Variants in MCIDAS observed in about 807,000 individuals in gnomAD.
The protein encoded by MCIDAS is multiciliate differentiation and DNA synthesis associated cell cycle protein, also known as multicilin.
Under a neutral mutation model 35.4 loss-of-function variants are expected in MCIDAS, and 23 were observed. The observed-to-expected ratio is 0.65, with a 90% CI of 0.47 to 0.92. The LOEUF (loss-of-function observed/expected upper bound fraction) is 0.92. Among genes scored for constraint, MCIDAS ranks in the 40% least tolerant of loss-of-function variants. The probability of loss-of-function intolerance (pLI) is 0.00; values close to 1 mark genes in which losing one functional copy is unlikely to be tolerated. For missense variants in MCIDAS, 480 were observed against 531.8 expected (o/e 0.90, Z 0.96); for synonymous variants, 228 against 235.2 (o/e 0.97, Z 0.28).
chr5:55,222,958 G>T lies in MCIDAS; in HGVS notation c.375C>A (p.Leu125=). ...LQDFRDTVDD[L]ISDSSSMMSP... The stretch of plus-strand genomic sequence containing the variant: ...CCAGGAGACTGCACTTGCCTGAAAT[G>T]AGATCATCCACCGTGTCTCTGAAAT... The change falls in exon 4 of 7, where the codon CTC becomes CTA. Residue 125 remains leucine (L), a synonymous_variant. Coordinates refer to ENST00000513312, the MANE Select transcript of MCIDAS (RefSeq NM_001190787.3). The T allele has an allele frequency of 6.5e-7, 1 of 1,535,730 alleles. No individual in the cohort carries two copies. Among genetic ancestry groups the T allele is most frequent in the Admixed American group, 2.0e-5 (1 of 50,988 alleles).
chr5:55,220,031 A>G lies in MCIDAS; in HGVS notation c.*335T>C. The G allele has an allele frequency of 4.9e-6, 1 of 202,634 alleles. No homozygotes were observed. Among genetic ancestry groups the G allele is most frequent in the Non-Finnish European group, 1.0e-5 (1 of 99,736 alleles). 12.6% of individuals were successfully genotyped at this position (202,634 alleles called of 1,614,324 possible). A position where few individuals can be genotyped will look rare whatever the true frequency, so the allele number is the denominator to read the frequency against. ...CTCTTAGAGCCTTCTTTTCCTTCTT[A>G]TAATATTAGAGCATTACATAATTAT... On this transcript the variant is annotated 3_prime_UTR_variant, in exon 7 of 7. Coordinates refer to ENST00000513312, the MANE Select transcript of MCIDAS (RefSeq NM_001190787.3).
At position 55,227,084 on chromosome 5, in the gene MCIDAS, G is replaced by A; in HGVS notation, c.55C>T (p.Pro19Ser). The A allele has an allele frequency of 3.3e-6, 5 of 1,512,862 alleles. No individual in the cohort carries two copies. Among genetic ancestry groups the A allele is most frequent in the Non-Finnish European group, 4.4e-6 (5 of 1,137,660 alleles). The allele number at this position is 1,512,862 out of a possible 1,614,324, so 93.7% of individuals were successfully genotyped here. ...AGRRAFDSIC[P>S]NRMLALPGRA... ...CCCGGCAGTGCCAGCATTCTGTTGG[G>A]GCAGATGCTGTCGAAGGCCCGACGG... Residue 19 changes from proline (P) to serine (S), a missense_variant, in exon 1 of 7, where the codon CCC becomes TCC. Physicochemically the swap from Pro to Ser is moderately conservative, Grantham distance 74 (BLOSUM62 -1). Coordinates refer to ENST00000513312, the MANE Select transcript of MCIDAS (RefSeq NM_001190787.3).
At chr5:55,224,307 T>C (rs1463477419) in intron 3 of MCIDAS, among the ~76,000 whole-genome samples, 1 of 152,116 alleles carries the variant, frequency 6.6e-6, no homozygotes, top group African/African-American at 2.4e-5. Context: ...CACTGTTGAT[T>C]CATTCCTTTG....
At position 55,227,201 on chromosome 5, in the gene MCIDAS, C is replaced by G; in HGVS notation, c.-63G>C. The stretch of plus-strand genomic sequence containing the variant: ...GGCGGCCCGGGCTGGGGCAGCGATC[C>G]ACACCCTGCACTCCCTTCAGTGCCT... On this transcript the variant is annotated 5_prime_UTR_variant, in exon 1 of 7. Coordinates refer to ENST00000513312, the MANE Select transcript of MCIDAS (RefSeq NM_001190787.3). 3 of 1,389,056 alleles carry G rather than the reference C, an allele frequency of 2.2e-6. No individual in the cohort carries two copies. Among genetic ancestry groups the G allele is most frequent in the Non-Finnish European group, 2.8e-6 (3 of 1,080,180 alleles). 86.0% of individuals were successfully genotyped at this position (1,389,056 alleles called of 1,614,324 possible).
chr5:55,226,805 G>A (rs1745464028), intron 2 of MCIDAS, 30 bp downstream of exon 2: 5 of 1,387,334 alleles, frequency 3.6e-6, no homozygotes, highest in Non-Finnish European at 3.7e-6. Flanking sequence ...CGGGGAACCC[G>A]AGGGGTAGCG....
Position 55,227,281 on chromosome 5 carries a change from G to A in MCIDAS, c.-143C>T, listed in dbSNP as rs1033220421. The stretch of plus-strand genomic sequence containing the variant: ...GCAGGCGCGTGACCGAGAAGGAGCC[G>A]AGGGGCTGCCGAGGAGGTGCTGAGA... On this transcript the variant is annotated 5_prime_UTR_variant, in exon 1 of 7. Transcript: ENST00000513312. 8 of 1,154,914 alleles carry A rather than the reference G, an allele frequency of 6.9e-6. No homozygotes were observed. The highest frequency in any genetic ancestry group is 6.4e-5 in the South Asian group (3 of 47,008). 71.5% of individuals were successfully genotyped at this position (1,154,914 alleles called of 1,614,324 possible). A position where few individuals can be genotyped will look rare whatever the true frequency, so the allele number is the denominator to read the frequency against.
Position 55,223,152 on chromosome 5 carries a change from T to C in MCIDAS, c.310-129A>G, listed in dbSNP as rs952024315. ...TATGCACGTAACACAACTGCACTTG[T>C]ACCCCTAAGTCCCCCCAAATAAAAC... On this transcript the variant is annotated intron_variant, in intron 3 of 6. Coordinates refer to ENST00000513312, the MANE Select transcript of MCIDAS (RefSeq NM_001190787.3). This position sits in a 1 kb window ranked among gnomAD's most constrained non-coding sequence, Gnocchi z 4.4. The C allele has an allele frequency of 1.4e-5, 10 of 719,138 alleles. No individual in the cohort carries two copies. In the Admixed American group the frequency reaches 2.4e-4, roughly 17 times the overall value. The allele number at this position is 719,138 out of a possible 1,614,324, so 44.5% of individuals were successfully genotyped here. A position where few individuals can be genotyped will look rare whatever the true frequency, so the allele number is the denominator to read the frequency against.
Position 55,226,702 on chromosome 5 carries a change from G to A in MCIDAS, c.218-35C>T, listed in dbSNP as rs1186186226. The A allele has an allele frequency of 6.2e-6, 9 of 1,454,188 alleles. No homozygotes were observed. The East Asian group carries it at 1.9e-4, about 30-fold the overall frequency. 90.1% of individuals were successfully genotyped at this position (1,454,188 alleles called of 1,614,324 possible). On this transcript the variant is annotated intron_variant, in intron 2 of 6. Transcript: ENST00000513312. ...GAGACCGGGAGACACGCGCCGGGCG[G>A]GCCCTGAGCCTCTCCGCCAGGCTCG... is the stretch of plus-strand genomic sequence containing the variant.
At chr5:55,224,856 T>C (rs1263261330) in intron 3 of MCIDAS, among the ~76,000 whole-genome samples, 1 of 152,196 alleles carries the variant, frequency 6.6e-6, no homozygotes, top group African/African-American at 2.4e-5. Context: ...GCTCTGTCTT[T>C]CCCAGGAAAA....
At position 55,222,408 on chromosome 5, in the gene MCIDAS, G is replaced by C; in HGVS notation, c.383-9C>G. ...CATCATAGAGGATGAGTCTGGAGAA[G>C]AGCAGGAGCTGGATTTGCAGCCTCA... is the stretch of plus-strand genomic sequence containing the variant. On this transcript the variant is annotated splice_polypyrimidine_tract_variant and intron_variant, in intron 4 of 6. Transcript: ENST00000513312. 1 of 1,466,082 alleles carries C rather than the reference G, an allele frequency of 6.8e-7. No homozygotes were observed. Among genetic ancestry groups the C allele is most frequent in the South Asian group, 1.4e-5 (1 of 73,010 alleles). The allele number at this position is 1,466,082 out of a possible 1,614,324, so 90.8% of individuals were successfully genotyped here. A position where few individuals can be genotyped will look rare whatever the true frequency, so the allele number is the denominator to read the frequency against.
rs1745456159 is a variant in MCIDAS at position 55,226,517 on chromosome 5, AC to A, written c.309+58del. ...GAGCTTTTGGGGAATTAAAACCACCACCCCGGAGGAGGGTTTGGGTTGCGTG... is the reference window on the plus strand; with the variant it reads ...GAGCTTTTGGGGAATTAAAACCACCACCCGGAGGAGGGTTTGGGTTGCGTG... On this transcript the variant is annotated intron_variant, in intron 3 of 6. Transcript: ENST00000513312. 6.8e-6 allele frequency: 10 copies of A among 1,476,122 alleles called. No homozygotes were observed. The Middle Eastern group carries it at 7.0e-4, about 103-fold the overall frequency. The allele number at this position is 1,476,122 out of a possible 1,614,324, so 91.4% of individuals were successfully genotyped here.
At chr5:55,224,915 C>T (rs995082530) in intron 3 of MCIDAS, among the ~76,000 whole-genome samples, 2 of 152,142 alleles carry the variant, frequency 1.3e-5, no homozygotes, top group Non-Finnish European at 2.9e-5. Flanking sequence ...CTTGAAACTT[C>T]GAGGCTGGGC....
intron 5 of MCIDAS, 99 bp downstream of exon 5, chr5:55,222,077 G>T: frequency 8.7e-7 from 1 of 1,153,736 alleles, no homozygotes; most frequent in Non-Finnish European, 1.2e-6. Context: ...CACTGGTTCC[G>T]ACTCACAGGA....
In MCIDAS at chr5:55,222,353, G is replaced by A. The variant is rs1745376882; in HGVS notation, c.429C>T (p.Pro143=). Residue 143 remains proline, a synonymous_variant, in exon 5 of 7, where the codon CCC becomes CCT. Coordinates refer to ENST00000513312, the MANE Select transcript of MCIDAS (RefSeq NM_001190787.3). ...MSPTLASGDF[P]FSPCDISPFG... ...ATGGTGATATGTCGCAAGGAGAGAA[G>A]GGGAAGTCTCCGCTGGCCAGGGTAG... is the stretch of plus-strand genomic sequence containing the variant. 2.0e-6 allele frequency: 3 copies of A among 1,531,738 alleles called. No homozygotes were observed. The highest frequency in any genetic ancestry group is 2.6e-6 in the Non-Finnish European group (3 of 1,143,876). The allele number at this position is 1,531,738 out of a possible 1,614,324, so 94.9% of individuals were successfully genotyped here.
chr5:55,221,842 T>G (rs1745361863), intron 5 of MCIDAS, among the ~76,000 whole-genome samples: 1 of 152,054 alleles, frequency 6.6e-6, no homozygotes, highest in South Asian at 2.1e-4. Context: ...CGAGAATGGC[T>G]TGAGCCTGGG....
rs1745335020 is a variant in MCIDAS, at chr5:55,220,577, G to A, written c.947C>T (p.Pro316Leu). 6.5e-7 allele frequency: 1 copy of A among 1,536,082 alleles called. No individual in the cohort carries two copies. Among genetic ancestry groups the A allele is most frequent in the Non-Finnish European group, 8.7e-7 (1 of 1,146,872 alleles). ...LPEPANTDTR[P>L]GNLHGAFRGL... ...CCGGAAGGCGCCATGCAGGTTCCCG[G>A]GCCTGGTGTCAGTATTCGCGGGCTC... is the stretch of plus-strand genomic sequence containing the variant. Residue 316 changes from proline (P) to leucine (L), a missense_variant, in exon 7 of 7, where the codon CCC becomes CTC. Physicochemically the swap from Pro to Leu is moderately conservative, Grantham distance 98 (BLOSUM62 -3). Coordinates refer to ENST00000513312, the MANE Select transcript of MCIDAS (RefSeq NM_001190787.3).
Position 55,222,310 on chromosome 5 carries a change from G to A in MCIDAS, c.472C>T (p.Pro158Ser), listed in dbSNP as rs1745375440. 6.5e-7 allele frequency: 1 copy of A among 1,535,684 alleles called. No homozygotes were observed. The highest frequency in any genetic ancestry group is 2.4e-5 in the East Asian group (1 of 40,894). Residue 158 changes from proline (P) to serine (S), a missense_variant, in exon 5 of 7, where the codon CCG (proline) becomes TCG (serine). Physicochemically the swap from Pro to Ser is moderately conservative, Grantham distance 74. Transcript: ENST00000513312. ...DISPFGPCLS[P>S]PLDPRALQSP... ...TGCAGGGCCCGTGGGTCCAGTGGCG[G>A]GGAGAGGCAGGGCCCGAATGGTGAT... is the stretch of plus-strand genomic sequence containing the variant.
At position 55,220,583 on chromosome 5, in the gene MCIDAS, G is replaced by T. The variant is rs994276692; in HGVS notation, c.941C>A (p.Thr314Asn). The T allele has an allele frequency of 1.3e-6, 2 of 1,536,112 alleles. No individual in the cohort carries two copies. Among genetic ancestry groups the T allele is most frequent in the Non-Finnish European group, 1.7e-6 (2 of 1,146,882 alleles). ...GGCGCCATGCAGGTTCCCGGGCCTG[G>T]TGTCAGTATTCGCGGGCTCTGGCAG... ...RLLPEPANTD[T>N]RPGNLHGAFR... Residue 314 changes from threonine (T) to asparagine (N), a missense_variant, in exon 7 of 7, where the codon ACC (threonine) becomes AAC (asparagine). Transcript: ENST00000513312.
rs1296245202 is a variant in MCIDAS, at chr5:55,223,249, G to T, written c.310-226C>A. On this transcript the variant is annotated intron_variant, in intron 3 of 6. Transcript: ENST00000513312. This position sits in a 1 kb window ranked among gnomAD's most constrained non-coding sequence, Gnocchi z 4.4. ...TCCCGGGCTCGGCGGCGGTCTGCTC[G>T]CACTTACGTCGCCAGCCCAGTCTCG... Among the ~76,000 whole-genome samples the T allele has an allele frequency of 1.3e-5, 2 of 151,576 alleles. No homozygotes were observed. The highest frequency in any genetic ancestry group is 2.9e-5 in the Non-Finnish European group (2 of 67,950).
Sources: allele counts gnomAD v4.1 joint callset (sites outside exome capture counted in the v4.1 genomes callset), GRCh38; gene constraint gnomAD v4.1.1; non-coding constraint Gnocchi (gnomAD v3.1); transcripts MANE v1.5; gene names NCBI Gene and HGNC (gene_info 2026-07-23, HGNC 2026-07-21).